Variants in MSH3 observed in about 807,000 individuals in gnomAD.
MSH3 encodes the protein DNA mismatch repair protein Msh3.
A neutral mutation model predicts 123.3 loss-of-function variants in MSH3; 106 were observed. The ratio of observed to expected loss-of-function variants is 0.86; its 90% CI spans 0.73 to 1.01. The LOEUF (loss-of-function observed/expected upper bound fraction) is 1.01. MSH3 is among the 50% of genes least tolerant of loss of function. The pLI is 0.00. For synonymous variants in MSH3, 515 were observed against 481.4 expected (o/e 1.07, Z -0.91); for missense variants, 1,459 against 1,347.6 (o/e 1.08, Z -1.29).
At chr5:80,793,599 G>C (rs1384443844) in intron 19 of MSH3, among the ~76,000 whole-genome samples, 1 of 152,150 alleles carries the variant, frequency 6.6e-6, no homozygotes, top group Non-Finnish European at 1.5e-5. Flanking sequence ...TATTGAAGGG[G>C]AGTATTCCAG....
At chr5:80,818,092 A>C (rs1745137241) in intron 20 of MSH3, among the ~76,000 whole-genome samples, 1 of 152,022 alleles carries the variant, frequency 6.6e-6, no homozygotes. Context: ...GGTGGCAAGC[A>C]CCTGTAATCC....
At chr5:80,697,523 G>A (rs186786853) in intron 8 of MSH3, among the ~76,000 whole-genome samples, 54 of 152,304 alleles carry the variant, frequency 3.5e-4, no homozygotes, top group Admixed American at 1.0e-3. Flanking sequence ...AACTTAACAA[G>A]AACTATCAGG....
At chr5:80,748,291 A>T (rs1370046836) in intron 12 of MSH3, among the ~76,000 whole-genome samples, 1 of 152,208 alleles carries the variant, frequency 6.6e-6, no homozygotes, top group African/African-American at 2.4e-5. Context: ...AAGTTTCAGA[A>T]GACTTTCCAC....
intron 4 of MSH3, 126 bp downstream of exon 4, chr5:80,670,435 C>A: frequency 9.7e-7 from 1 of 1,027,780 alleles, no homozygotes; most frequent in Non-Finnish European, 1.5e-6. Context: ...TTAAAAAATA[C>A]TGTTATGTAA....
At chr5:80,809,883 AAAT>A (rs1744975356) in intron 19 of MSH3, among the ~76,000 whole-genome samples, 1 of 152,184 alleles carries the variant, frequency 6.6e-6, no homozygotes, top group African/African-American at 2.4e-5. Flanking sequence ...GTGATCCATG[AAAT>A]AACTAAGAAA....
At chr5:80,792,403 C>CCTAT (rs1238731114) in intron 18 of MSH3, among the ~76,000 whole-genome samples, 1 of 149,998 alleles carries the variant, frequency 6.7e-6, no homozygotes, top group African/African-American at 2.5e-5. Context: ...ACACTGAGAC[C>CCTAT]CTATCTCTTA....
chr5:80,864,653 CAATT>C (rs1376668337), intron 21 of MSH3, among the ~76,000 whole-genome samples, 156 bp from the exon 22 acceptor site: 4 of 152,102 alleles, frequency 2.6e-5, no homozygotes, highest in Non-Finnish European at 5.9e-5. Flanking sequence ...AAAATATTAA[CAATT>C]GATTATCTAG....
chr5:80,694,144 G>A (rs1470307410), intron 8 of MSH3, among the ~76,000 whole-genome samples: 1 of 152,032 alleles, frequency 6.6e-6, no homozygotes, highest in Non-Finnish European at 1.5e-5. Flanking sequence ...GATGCTGCAG[G>A]GACAAACAGC....
chr5:80,871,654 A>G (rs1367344237), intron 22 of MSH3, among the ~76,000 whole-genome samples: 1 of 152,208 alleles, frequency 6.6e-6, no homozygotes, highest in Admixed American at 6.5e-5. Flanking sequence ...ACAGCCCACA[A>G]CATGGCGGCT....
chr5:80,689,924 C>G (rs1429046573), intron 8 of MSH3, among the ~76,000 whole-genome samples: 1 of 151,972 alleles, frequency 6.6e-6, no homozygotes, highest in Non-Finnish European at 1.5e-5. Flanking sequence ...TCTCGCTCTG[C>G]TGTCCAAGCT....
intron 19 of MSH3, among the ~76,000 whole-genome samples, chr5:80,811,020 A>G (rs983630185): frequency 6.7e-6 from 1 of 148,514 alleles, no homozygotes; most frequent in Non-Finnish European, 1.5e-5. Context: ...TTGTAATGCA[A>G]ATATTTCAAG....
chr5:80,730,243 A>G (rs1332509834), intron 10 of MSH3, among the ~76,000 whole-genome samples: 2 of 152,232 alleles, frequency 1.3e-5, no homozygotes, highest in Non-Finnish European at 2.9e-5. Context: ...CATGAACAGT[A>G]TATTAAGCCA....
intron 2 of MSH3, 62 bp downstream of exon 2, chr5:80,656,593 G>A (rs1235949614): frequency 3.7e-5 from 60 of 1,605,026 alleles, no homozygotes; most frequent in Non-Finnish European, 4.9e-5. Flanking sequence ...GAATTCTCCA[G>A]AGGGCAGAAG....
chr5:80,663,523 G>T (rs1749492283), intron 2 of MSH3, among the ~76,000 whole-genome samples: 1 of 149,294 alleles, frequency 6.7e-6, no homozygotes. Flanking sequence ...ACAACTCCAA[G>T]ATCTTCATCC....
chr5:80,829,374 T>TAG (rs1465402234), intron 20 of MSH3, among the ~76,000 whole-genome samples: 2 of 152,238 alleles, frequency 1.3e-5, no homozygotes, highest in African/African-American at 4.8e-5. Context: ...TATAGGTTTT[T>TAG]TTGTGAATAT....
intron 8 of MSH3, among the ~76,000 whole-genome samples, chr5:80,684,384 G>T (rs572669753): frequency 4.6e-5 from 7 of 152,166 alleles, no homozygotes; most frequent in African/African-American, 1.7e-4. Flanking sequence ...TCATTGTAGA[G>T]ATCTTTCACT....
chr5:80,700,255 C>A (rs1347588292), intron 8 of MSH3, among the ~76,000 whole-genome samples: 1 of 152,158 alleles, frequency 6.6e-6, no homozygotes, highest in Non-Finnish European at 1.5e-5. Context: ...ATGGCACGTG[C>A]CTGTAATCCC....
intron 20 of MSH3, among the ~76,000 whole-genome samples, chr5:80,814,492 G>GA (rs11371018): frequency 1 from 152,307 of 152,310 alleles, 76,152 homozygotes; most frequent in Middle Eastern, 1. Flanking sequence ...GGCTAGTCTT[G>GA]ACTCCTGACC....
intron 13 of MSH3, among the ~76,000 whole-genome samples, chr5:80,764,536 A>AT (rs62867161): frequency 2.3e-5 from 3 of 131,074 alleles, no homozygotes; most frequent in Non-Finnish European, 3.3e-5. Context: ...TTTTTTTTGC[A>AT]TTTTTTTGTA....
Sources: allele counts gnomAD v4.1 joint callset (sites outside exome capture counted in the v4.1 genomes callset), GRCh38; gene constraint gnomAD v4.1.1; transcripts MANE v1.5; gene names NCBI Gene and HGNC (gene_info 2026-07-23, HGNC 2026-07-21).